Variants in IFTAP observed in about 807,000 individuals in gnomAD.
IFTAP encodes intraflagellar transport associated protein, also known as intraflagellar transport-associated protein.
IFTAP carries 19 observed loss-of-function variants against 19.4 expected under a neutral mutation model. That is an observed-to-expected ratio of 0.98 (90% CI 0.68 to 1.44). The LOEUF (loss-of-function observed/expected upper bound fraction) is 1.44. Ranked by LOEUF, IFTAP falls within the 40% of genes most tolerant of loss-of-function variation. The probability of loss-of-function intolerance (pLI) is 0.00; values close to 1 mark genes in which losing one functional copy is unlikely to be tolerated. For missense variants in IFTAP, 240 were observed against 253.6 expected (o/e 0.95, Z 0.36); for synonymous variants, 85 against 83.5 (o/e 1.02, Z -0.10).
intron 2 of IFTAP, among the ~76,000 whole-genome samples, chr11:36,630,462 A>T (rs1451669275): frequency 6.6e-6 from 1 of 151,422 alleles, no homozygotes; most frequent in African/African-American, 2.5e-5. Context: ...GGAGAATTTT[A>T]AAAAGAGTGG....
intron 1 of IFTAP, among the ~76,000 whole-genome samples, chr11:36,609,608 G>A (rs1313624165): frequency 6.6e-6 from 1 of 151,998 alleles, no homozygotes; most frequent in Non-Finnish European, 1.5e-5. Flanking sequence ...TTCTTGAGCT[G>A]GCACTTCTCC....
chr11:36,610,903 G>T (rs553747792), intron 2 of IFTAP, among the ~76,000 whole-genome samples: 2 of 152,228 alleles, frequency 1.3e-5, no homozygotes, highest in South Asian at 2.1e-4. Flanking sequence ...AACCCATGTT[G>T]TGTTTTTCAT....
intron 4 of IFTAP, among the ~76,000 whole-genome samples, chr11:36,643,392 A>G (rs1853320259): frequency 6.6e-6 from 1 of 152,236 alleles, no homozygotes; most frequent in African/African-American, 2.4e-5. Flanking sequence ...AAGGATAGGA[A>G]GAATCAATAT....
intron 2 of IFTAP, among the ~76,000 whole-genome samples, chr11:36,630,296 T>G (rs931526026): frequency 6.6e-6 from 1 of 151,422 alleles, no homozygotes; most frequent in African/African-American, 2.5e-5. Context: ...GAAGGAGCAC[T>G]TCTGGGTCTT....
rs1851638929 is a variant in IFTAP, at chr11:36,604,926, A to C, written c.-23-5155A>C. Among the ~76,000 whole-genome samples the C allele has an allele frequency of 2.0e-5, 3 of 151,632 alleles. 1 individual carries two copies. In the South Asian group the frequency reaches 6.3e-4, roughly 32 times the overall value. ...CTTGATATTATCTGAAAGACAAAAAAATTAGAGGATGCAAAATTGTTGTAG... is the reference window on the plus strand; with the variant it reads ...CTTGATATTATCTGAAAGACAAAAACATTAGAGGATGCAAAATTGTTGTAG... On this transcript the variant is annotated intron_variant, in intron 1 of 5. Transcript: ENST00000334307.
intron 2 of IFTAP, among the ~76,000 whole-genome samples, chr11:36,631,903 A>G (rs985779379): frequency 1.3e-5 from 2 of 150,982 alleles, no homozygotes; most frequent in Admixed American, 6.6e-5. Context: ...TTCTTTGACT[A>G]TTGTAAGCCA....
intron 2 of IFTAP, among the ~76,000 whole-genome samples, chr11:36,616,067 A>C (rs1852074046): frequency 6.6e-6 from 1 of 152,006 alleles, no homozygotes; most frequent in Admixed American, 6.6e-5. Context: ...AATGACTTAG[A>C]AATTGACATT....
chr11:36,654,337 T>A (rs1438927336), intron 5 of IFTAP, among the ~76,000 whole-genome samples: 1 of 152,026 alleles, frequency 6.6e-6, no homozygotes, highest in Non-Finnish European at 1.5e-5. Flanking sequence ...TATTTTATTT[T>A]ATTTTTTTAT....
At chr11:36,623,754 A>G (rs926522774) in intron 2 of IFTAP, among the ~76,000 whole-genome samples, 2 of 152,132 alleles carry the variant, frequency 1.3e-5, no homozygotes, top group Non-Finnish European at 2.9e-5. Context: ...GAGGCATCTC[A>G]TTGCCTGTAC....
At chr11:36,616,057 A>C (rs73437932) in intron 2 of IFTAP, among the ~76,000 whole-genome samples, 1 of 152,000 alleles carries the variant, frequency 6.6e-6, no homozygotes, top group African/African-American at 2.4e-5. Context: ...TTAAGAAGCC[A>C]ATGACTTAGA....
chr11:36,613,152 A>G (rs918232092), intron 2 of IFTAP, among the ~76,000 whole-genome samples: 10 of 152,102 alleles, frequency 6.6e-5, no homozygotes, highest in African/African-American at 2.2e-4. Flanking sequence ...GAAAATTAGC[A>G]TGCAGATTTT....
chr11:36,635,909 C>G, intron 3 of IFTAP, 142 bp from the exon 4 acceptor site: 1 of 662,532 alleles, frequency 1.5e-6, no homozygotes, highest in Non-Finnish European at 2.7e-6. Flanking sequence ...ACACAAAAGC[C>G]TTGAGCTGGG....
intron 5 of IFTAP, among the ~76,000 whole-genome samples, chr11:36,656,148 G>A: frequency 6.6e-6 from 1 of 152,170 alleles, no homozygotes; most frequent in African/African-American, 2.4e-5. Context: ...TGGGAGCCCT[G>A]ATCAGAGTTT....
intron 4 of IFTAP, among the ~76,000 whole-genome samples, chr11:36,637,184 GT>G (rs1429648937): frequency 6.6e-6 from 1 of 152,142 alleles, no homozygotes; most frequent in Non-Finnish European, 1.5e-5. Flanking sequence ...TACATTGGTT[GT>G]ATAAACCTCT....
At chr11:36,638,586 G>T (rs531382304) in intron 4 of IFTAP, among the ~76,000 whole-genome samples, 1 of 152,174 alleles carries the variant, frequency 6.6e-6, no homozygotes, top group Non-Finnish European at 1.5e-5. Flanking sequence ...GTGCCAAGGC[G>T]AATTTTAGTT....
intron 5 of IFTAP, among the ~76,000 whole-genome samples, chr11:36,652,314 A>G (rs1003533658): frequency 5.9e-5 from 9 of 152,176 alleles, no homozygotes; most frequent in Admixed American, 3.3e-4. Context: ...CTTTGAAGCA[A>G]TTGTGAATGG....
At chr11:36,596,461 A>G (rs759562546) in intron 1 of IFTAP, among the ~76,000 whole-genome samples, 1 of 152,200 alleles carries the variant, frequency 6.6e-6, no homozygotes, top group African/African-American at 2.4e-5. Flanking sequence ...TGCCCTGCTT[A>G]TAAAATAATC....
chr11:36,658,519 A>G (rs1185440769), intron 5 of IFTAP, among the ~76,000 whole-genome samples: 1 of 152,198 alleles, frequency 6.6e-6, no homozygotes, highest in African/African-American at 2.4e-5. Context: ...TTATTAGCCA[A>G]GAGTTATAGG....
chr11:36,602,934 A>T (rs1851561560), intron 1 of IFTAP, among the ~76,000 whole-genome samples: 1 of 152,188 alleles, frequency 6.6e-6, no homozygotes, highest in South Asian at 2.1e-4. Flanking sequence ...TACAGATTCC[A>T]TGTACACAGT....
Sources: allele counts gnomAD v4.1 joint callset (sites outside exome capture counted in the v4.1 genomes callset), GRCh38; gene constraint gnomAD v4.1.1; transcripts MANE v1.5; gene names NCBI Gene and HGNC (gene_info 2026-07-23, HGNC 2026-07-21).